STX8: variants seen among roughly 807,000 people sequenced by gnomAD.
The protein encoded by STX8 is syntaxin 8.
In STX8, 23 loss-of-function variants were observed where a neutral mutation model predicts 37.5. The ratio of observed to expected loss-of-function variants is 0.61; its 90% CI spans 0.44 to 0.87. STX8 has a LOEUF of 0.87. Among genes scored for constraint, STX8 ranks in the 40% least tolerant of loss-of-function variants. STX8 has a pLI of 0.00. For synonymous variants in STX8, 115 were observed against 99.1 expected (o/e 1.16, Z -0.95); for missense variants, 313 against 284.7 (o/e 1.10, Z -0.71).
At chr17:9,307,059 G>A (rs1446145304) in intron 7 of STX8, among the ~76,000 whole-genome samples, 3 of 152,168 alleles carry the variant, frequency 2.0e-5, no homozygotes, top group African/African-American at 7.2e-5. Flanking sequence ...GGGAGGCAGA[G>A]GTTGCAGTGA....
intron 7 of STX8, among the ~76,000 whole-genome samples, chr17:9,331,783 C>G (rs948766446): frequency 6.6e-6 from 1 of 152,148 alleles, no homozygotes; most frequent in Non-Finnish European, 1.5e-5. Flanking sequence ...TCTCCCTCCC[C>G]CCTCTCTGCC....
intron 6 of STX8, among the ~76,000 whole-genome samples, chr17:9,480,895 T>TTTCTTTCTTTCTTTC (rs534475818): frequency 8.6e-5 from 13 of 151,162 alleles, no homozygotes; most frequent in African/African-American, 3.2e-4. Flanking sequence ...TCTTTCTTTC[T>TTTCTTTCTTTCTTTC]TTTTTTTGAG....
chr17:9,333,330 T>C (rs1297456194), intron 7 of STX8, among the ~76,000 whole-genome samples: 1 of 152,210 alleles, frequency 6.6e-6, no homozygotes, highest in African/African-American at 2.4e-5. Context: ...ATCTCCCACT[T>C]ATAAGTGAGA....
At chr17:9,539,292 G>A (rs551249608) in intron 4 of STX8, among the ~76,000 whole-genome samples, 109 of 152,130 alleles carry the variant, frequency 7.2e-4, no homozygotes, top group African/African-American at 2.3e-3. Flanking sequence ...AAAGGCCCTC[G>A]GGAATGAGGG....
intron 7 of STX8, among the ~76,000 whole-genome samples, chr17:9,280,728 G>C (rs1184133660): frequency 1.3e-5 from 2 of 152,176 alleles, no homozygotes; most frequent in African/African-American, 4.8e-5. Context: ...CTGTGTGCCT[G>C]TCAGTTCTCT....
intron 2 of STX8, among the ~76,000 whole-genome samples, 173 bp downstream of exon 2, chr17:9,568,198 G>A (rs965898253): frequency 7.2e-5 from 11 of 152,086 alleles, no homozygotes; most frequent in African/African-American, 2.4e-4. Flanking sequence ...GCCTCATTTA[G>A]TCTCAATGAT....
intron 6 of STX8, among the ~76,000 whole-genome samples, chr17:9,458,854 G>A (rs1597685916): frequency 2.7e-5 from 4 of 150,146 alleles, no homozygotes; most frequent in Admixed American, 2.7e-4. Flanking sequence ...TTTTGAGACG[G>A]AGTCTCACTC....
chr17:9,280,726 C>T (rs1293021672), intron 7 of STX8, among the ~76,000 whole-genome samples: 3 of 152,158 alleles, frequency 2.0e-5, no homozygotes, highest in African/African-American at 7.2e-5. Context: ...AGCTGTGTGC[C>T]TGTCAGTTCT....
intron 6 of STX8, among the ~76,000 whole-genome samples, chr17:9,481,832 C>T (rs367752030): frequency 6.6e-6 from 1 of 152,112 alleles, no homozygotes; most frequent in Non-Finnish European, 1.5e-5. Flanking sequence ...ACTGTGCATG[C>T]GAGGGATCTA....
At chr17:9,398,491 A>C (rs1404403185) in intron 6 of STX8, among the ~76,000 whole-genome samples, 2 of 152,226 alleles carry the variant, frequency 1.3e-5, no homozygotes, top group African/African-American at 4.8e-5. Flanking sequence ...TGGAGCAACT[A>C]AATATAATGC....
intron 7 of STX8, among the ~76,000 whole-genome samples, chr17:9,302,254 A>T (rs1026738403): frequency 6.6e-6 from 1 of 152,010 alleles, no homozygotes; most frequent in Non-Finnish European, 1.5e-5. Flanking sequence ...GTGTTTATAT[A>T]CCCCTTCTCA....
At chr17:9,532,558 TAGAA>T (rs1905862571) in intron 4 of STX8, among the ~76,000 whole-genome samples, 3 of 152,170 alleles carry the variant, frequency 2.0e-5, no homozygotes, top group Admixed American at 2.0e-4. Flanking sequence ...AGGTGAGAAG[TAGAA>T]AGAGCCTGAA....
chr17:9,417,004 GC>G (rs1439296150), intron 6 of STX8, among the ~76,000 whole-genome samples: 1 of 152,060 alleles, frequency 6.6e-6, no homozygotes, highest in Non-Finnish European at 1.5e-5. Flanking sequence ...GGGTCCTGTG[GC>G]CCCCTACCCA....
rs1260314405 is a variant in STX8 at position 9,357,500 on chromosome 17, A to C, written c.643+21052T>G. Among the ~76,000 whole-genome samples the C allele has an allele frequency of 2.6e-5, 4 of 152,086 alleles. No individual in the cohort carries two copies. The East Asian group carries it at 7.9e-4, about 30-fold the overall frequency. ...GAGCTCAGGAGTTTGAGAACAGCCT[A>C]GCCTGTGGTTTTGTAGAAAACTCCA... On this transcript the variant is annotated intron_variant, in intron 7 of 7. Transcript: ENST00000306357.
intron 7 of STX8, among the ~76,000 whole-genome samples, chr17:9,336,755 T>A (rs2142225137): frequency 6.6e-6 from 1 of 152,152 alleles, no homozygotes; most frequent in African/African-American, 2.4e-5. Context: ...TCTAACTGGG[T>A]ATTTAGAGGG....
chr17:9,531,298 C>T (rs1905810017), intron 4 of STX8, among the ~76,000 whole-genome samples: 1 of 152,158 alleles, frequency 6.6e-6, no homozygotes. Context: ...ATCAGCTTCT[C>T]AAGTGGCAAA....
rs78609570 is a variant in STX8, at chr17:9,502,356, C to T, written c.448+2682G>A. Reference sequence around the variant, plus strand: ...CACAGAATACAAAATTTCAGTTAGACAGAAAGAATAAGCTCAAAAGATCGA... The same window carrying T: ...CACAGAATACAAAATTTCAGTTAGATAGAAAGAATAAGCTCAAAAGATCGA... On this transcript the variant is annotated intron_variant, in intron 5 of 7. Transcript: ENST00000306357. Among the ~76,000 whole-genome samples, 735 of 152,168 alleles carry T rather than the reference C, an allele frequency of 4.8e-3. 3 individuals are homozygous for T. Among genetic ancestry groups the T allele is most frequent in the African/African-American group, 0.017 (690 of 41,524 alleles).
At chr17:9,277,850 G>A (rs1402316326) in intron 7 of STX8, among the ~76,000 whole-genome samples, 10 of 152,102 alleles carry the variant, frequency 6.6e-5, no homozygotes, top group Admixed American at 6.5e-4. Flanking sequence ...TGGCCAGTGA[G>A]GAGAGAAATC....
At position 9,264,089 on chromosome 17, in the gene STX8, G is replaced by A. The variant is rs538198070; in HGVS notation, c.644-13444C>T. ...CAAGGAAGCCCAATTAGTCCAAATG[G>A]AGAGACCACATGGAAGGACCCTGAG... On this transcript the variant is annotated intron_variant, in intron 7 of 7. Coordinates refer to ENST00000306357, the MANE Select transcript of STX8 (RefSeq NM_004853.3). Among the ~76,000 whole-genome samples, 51 of 152,316 alleles carry A rather than the reference G, an allele frequency of 3.3e-4. 1 individual carries two copies. Among genetic ancestry groups the A allele is most frequent in the Non-Finnish European group, 4.7e-4 (32 of 68,032 alleles).
Sources: gnomAD v4.1 joint callset for allele counts (sites outside exome capture counted in the v4.1 genomes callset) on GRCh38, gnomAD v4.1.1 for gene constraint, MANE v1.5 for transcripts, NCBI Gene and HGNC (gene_info 2026-07-23, HGNC 2026-07-21) for gene names.